The following SLC45A4 variants were observed in gnomAD, a reference collection of about 807,000 sequenced individuals.
SLC45A4 encodes polyamine-transporter SLC45A4.
Under a neutral mutation model 63.7 loss-of-function variants are expected in SLC45A4, and 32 were observed. The ratio of observed to expected loss-of-function variants is 0.50; its 90% CI spans 0.38 to 0.67. The LOEUF (loss-of-function observed/expected upper bound fraction) is 0.67, where lower values mean the gene tolerates loss of function less well. SLC45A4 is among the 30% of genes least tolerant of loss of function. The pLI is 0.00. For synonymous variants in SLC45A4, 535 were observed against 510.0 expected, an observed-to-expected ratio of 1.05 and a Z score of -0.66; for missense variants, 1,027 against 1,157.7, an observed-to-expected ratio of 0.89 and a Z score of 1.64.
chr8:141,219,097 G>A (rs1826414077), intron 4 of SLC45A4, 68 bp from the exon 5 acceptor site: 3 of 1,539,138 alleles, frequency 1.9e-6, no homozygotes, highest in Non-Finnish European at 2.6e-6. Context: ...GCTCTGGGAG[G>A]GCCTCTCCCT....
chr8:141,230,323 C>T (rs1031868090), intron 2 of SLC45A4: 18 of 351,836 alleles, frequency 5.1e-5, no homozygotes, highest in Middle Eastern at 1.0e-3. Context: ...CTGAAGTCCC[C>T]GCCCTTCCAT....
At chr8:141,289,758 AG>A (rs1351408371) in intron 1 of SLC45A4, among the ~76,000 whole-genome samples, 1 of 152,098 alleles carries the variant, frequency 6.6e-6, no homozygotes, top group Non-Finnish European at 1.5e-5. Flanking sequence ...TGAGGGCTAG[AG>A]AAAGCCCATG....
chr8:141,276,262 T>C (rs540662632), intron 1 of SLC45A4, among the ~76,000 whole-genome samples: 22 of 152,350 alleles, frequency 1.4e-4, no homozygotes, highest in African/African-American at 5.3e-4. Context: ...GATTTTCTGG[T>C]TCCCTGTCCA....
intron 1 of SLC45A4, among the ~76,000 whole-genome samples, chr8:141,290,218 C>A (rs761569253): frequency 6.6e-6 from 1 of 151,860 alleles, no homozygotes; most frequent in African/African-American, 2.4e-5. Context: ...TTTTTAAGTG[C>A]GTGGTGCACA....
rs768283073 is a variant in SLC45A4, at chr8:141,211,414, CAGGGTGTCTGGG to C, written c.*146_*157del. 37 of 1,545,078 alleles carry C rather than the reference CAGGGTGTCTGGG, an allele frequency of 2.4e-5. No homozygotes were observed. In the Admixed American group the frequency reaches 7.6e-4, roughly 32 times the overall value. ...AGGTGGTGCCCAGCCCATCCCTGGG[CAGGGTGTCTGGG>C]AGCCACCCCTGCAAATCACTGTCTT... On this transcript the variant is annotated 3_prime_UTR_variant, in exon 9 of 9. Coordinates refer to ENST00000517878, the MANE Select transcript of SLC45A4 (RefSeq NM_001286646.2).
At chr8:141,272,250 AGCCT>A (rs1829568222) in intron 1 of SLC45A4, among the ~76,000 whole-genome samples, 1 of 152,248 alleles carries the variant, frequency 6.6e-6, no homozygotes, top group South Asian at 2.1e-4. Flanking sequence ...ATGATTATGA[AGCCT>A]GCTGACACAG....
chr8:141,269,151 G>A (rs1191410147), intron 1 of SLC45A4, among the ~76,000 whole-genome samples: 1 of 152,212 alleles, frequency 6.6e-6, no homozygotes, highest in Admixed American at 6.5e-5. Context: ...ACAGCTCCAG[G>A]CTGCGCTGTC....
At chr8:141,219,113 A>G (rs529594893) in intron 4 of SLC45A4, 84 bp from the exon 5 acceptor site, 3 of 1,491,566 alleles carry the variant, frequency 2.0e-6, no homozygotes, top group African/African-American at 1.4e-5. Context: ...TCCCTCTAAC[A>G]GGGGGCCGGG....
chr8:141,212,656 C>G (rs904066684), intron 7 of SLC45A4, 100 bp from the exon 8 acceptor site: 12 of 1,397,658 alleles, frequency 8.6e-6, no homozygotes, highest in Non-Finnish European at 1.1e-5. Flanking sequence ...GGAAACATGA[C>G]CCGTCTTCCA....
rs929009088 is a variant in SLC45A4 at position 141,211,332 on chromosome 8, C to T, written c.*240G>A. The stretch of plus-strand genomic sequence containing the variant: ...GGACGAGCGGGGTCACATGGCTGGG[C>T]GCAGACACACTCACACGCGCACGCA... On this transcript the variant is annotated 3_prime_UTR_variant, in exon 9 of 9. Coordinates refer to ENST00000517878, the MANE Select transcript of SLC45A4 (RefSeq NM_001286646.2). 93 of 1,302,006 alleles carry T rather than the reference C, an allele frequency of 7.1e-5. No individual in the cohort carries two copies. The highest frequency in any genetic ancestry group is 8.6e-5 in the Non-Finnish European group (83 of 968,402). The allele number at this position is 1,302,006 out of a possible 1,614,324, so 80.7% of individuals were successfully genotyped here.
intron 1 of SLC45A4, among the ~76,000 whole-genome samples, chr8:141,289,147 G>A (rs1830260303): frequency 6.6e-6 from 1 of 152,212 alleles, no homozygotes; most frequent in Non-Finnish European, 1.5e-5. Flanking sequence ...GGCGGTGCCA[G>A]GGAACAGTGG....
intron 2 of SLC45A4, among the ~76,000 whole-genome samples, chr8:141,240,781 G>C (rs527884773): frequency 6.6e-6 from 1 of 152,214 alleles, no homozygotes. Context: ...CCGGCTGCCC[G>C]ACACTGTGAT....
intron 2 of SLC45A4, among the ~76,000 whole-genome samples, chr8:141,237,882 C>T (rs753788279): frequency 2.6e-5 from 4 of 152,182 alleles, no homozygotes; most frequent in South Asian, 2.1e-4. Context: ...AAGTACTTGA[C>T]GAAAGAATAA....
chr8:141,263,164 T>C (rs1291433715), intron 1 of SLC45A4, among the ~76,000 whole-genome samples: 1 of 127,824 alleles, frequency 7.8e-6, no homozygotes, highest in Admixed American at 1.1e-4. Context: ...AATTGAACAA[T>C]GAGAACACAT....
chr8:141,275,917 T>C (rs1356325368), intron 1 of SLC45A4, among the ~76,000 whole-genome samples: 1 of 129,252 alleles, frequency 7.7e-6, no homozygotes, highest in Non-Finnish European at 1.5e-5. Context: ...TAAACTTTAC[T>C]TTTTTTTTTT....
chr8:141,235,445 C>T (rs549554222), intron 2 of SLC45A4, among the ~76,000 whole-genome samples: 2 of 152,270 alleles, frequency 1.3e-5, no homozygotes, highest in Admixed American at 6.5e-5. Context: ...ACGAGGAGGA[C>T]GTATTCGTAT....
At chr8:141,269,123 C>T (rs947159739) in intron 1 of SLC45A4, among the ~76,000 whole-genome samples, 5 of 152,224 alleles carry the variant, frequency 3.3e-5, no homozygotes, top group African/African-American at 7.2e-5. Flanking sequence ...GGGAGCGCCA[C>T]GAGCTCCACC....
At chr8:141,265,412 C>T (rs1301949513) in intron 1 of SLC45A4, among the ~76,000 whole-genome samples, 2 of 152,198 alleles carry the variant, frequency 1.3e-5, no homozygotes, top group Non-Finnish European at 2.9e-5. Flanking sequence ...TGGGTGCCAG[C>T]GCGGGGCGTG....
At chr8:141,294,954 G>C (rs186821652) in intron 1 of SLC45A4, among the ~76,000 whole-genome samples, 323 of 152,374 alleles carry the variant, frequency 2.1e-3, no homozygotes, top group Middle Eastern at 3.4e-3. Context: ...GAACTGGCAG[G>C]TAATGGAGCA....
Sources: gnomAD v4.1 joint callset for allele counts (sites outside exome capture counted in the v4.1 genomes callset) on GRCh38, gnomAD v4.1.1 for gene constraint, MANE v1.5 for transcripts, NCBI Gene and HGNC (gene_info 2026-07-23, HGNC 2026-07-21) for gene names.